NLK: variants seen among roughly 807,000 people sequenced by gnomAD.
The protein encoded by NLK is serine/threonine-protein kinase NLK.
In NLK, 11 loss-of-function variants were observed where a neutral mutation model predicts 59.0. The ratio of observed to expected loss-of-function variants is 0.19; its 90% CI spans 0.12 to 0.31. The LOEUF (loss-of-function observed/expected upper bound fraction) is 0.31, where lower values mean the gene tolerates loss of function less well. Ranked by LOEUF, NLK falls within the 10% of genes least tolerant of loss-of-function variation. The pLI, the probability that NLK is intolerant of heterozygous loss-of-function variation, is 1.00. For synonymous variants in NLK, 235 were observed against 235.9 expected, an observed-to-expected ratio of 1.00 and a Z score of 0.03; for missense variants, 410 against 661.1, an observed-to-expected ratio of 0.62 and a Z score of 4.16.
At chr17:28,142,781 C>G (rs1363952469) in intron 3 of NLK, among the ~76,000 whole-genome samples, 1 of 151,068 alleles carries the variant, frequency 6.6e-6, no homozygotes, top group Non-Finnish European at 1.5e-5. Flanking sequence ...GCTGTAGATT[C>G]TTTTTTCAGA....
intron 3 of NLK, among the ~76,000 whole-genome samples, chr17:28,153,150 T>C (rs1371166104): frequency 6.6e-6 from 1 of 151,794 alleles, no homozygotes; most frequent in Non-Finnish European, 1.5e-5. Flanking sequence ...AGCACATGCC[T>C]GTAATCCCAG....
At chr17:28,143,955 A>G (rs1907125463) in intron 3 of NLK, among the ~76,000 whole-genome samples, 1 of 152,206 alleles carries the variant, frequency 6.6e-6, no homozygotes, top group Non-Finnish European at 1.5e-5. Context: ...TTTATTTGTA[A>G]TACTTTGTAA....
Position 28,191,186 on chromosome 17 carries a change from G to A in NLK, c.1402G>A (p.Glu468Lys). 1.2e-6 allele frequency: 2 copies of A among 1,613,042 alleles called. No individual in the cohort carries two copies. Among genetic ancestry groups the A allele is most frequent in the Non-Finnish European group, 1.7e-6 (2 of 1,179,566 alleles). ...VTNPKFDDTF[E>K]KNLSSVRQVK... ...CAATCCCAAATTTGATGACACTTTC[G>A]AGAAGAACCTCAGTTCTGTCCGACA... Residue 468 changes from glutamate to lysine, a missense_variant, in exon 9 of 11, where the codon GAG becomes AAG. Physicochemically the swap from Glu to Lys is moderately conservative, Grantham distance 56 (BLOSUM62 1). Around this residue, in one of 5 missense-constraint regions of NLK, gnomAD observed 150 missense variants for 244.3 expected, o/e 0.61. Coordinates refer to ENST00000407008, the MANE Select transcript of NLK (RefSeq NM_016231.5).
rs1348310544 is a variant in NLK at position 28,172,494 on chromosome 17, A to G, written c.1048-23A>G. ...AGTTATTTCCATGAGATTACTATCT[A>G]TCTGTATTTTATTTCCTTGTAGTTG... On this transcript the variant is annotated intron_variant, in intron 6 of 10. Transcript: ENST00000407008. 2.7e-6 allele frequency: 4 copies of G among 1,487,878 alleles called. No homozygotes were observed. In the African/African-American group the frequency reaches 4.3e-5, roughly 16 times the overall value. The allele number at this position is 1,487,878 out of a possible 1,614,324, so 92.2% of individuals were successfully genotyped here. A position where few individuals can be genotyped will look rare whatever the true frequency, so the allele number is the denominator to read the frequency against.
intron 1 of NLK, among the ~76,000 whole-genome samples, chr17:28,085,998 T>C (rs1484926465): frequency 6.6e-6 from 1 of 152,092 alleles, no homozygotes; most frequent in African/African-American, 2.4e-5. Context: ...ATGACAAAAA[T>C]CACCTAATGA....
chr17:28,140,833 A>C (rs1308584767), intron 3 of NLK, among the ~76,000 whole-genome samples: 6 of 152,076 alleles, frequency 3.9e-5, no homozygotes, highest in Non-Finnish European at 8.8e-5. Context: ...CTTACCTGCA[A>C]CTTAATAATT....
At chr17:28,199,020 G>C (rs1597733123), downstream of NLK, among the ~76,000 whole-genome samples, 3 of 152,224 alleles carry the variant, frequency 2.0e-5, no homozygotes, top group Admixed American at 1.3e-4. Flanking sequence ...CATATAAAAT[G>C]AATGTAGACC....
chr17:28,187,114 T>C (rs1909146996), intron 8 of NLK, among the ~76,000 whole-genome samples: 1 of 152,230 alleles, frequency 6.6e-6, no homozygotes, highest in Non-Finnish European at 1.5e-5. Flanking sequence ...GTAATTTCTG[T>C]CTGACCATAG....
chr17:28,071,703 G>A (rs374896508), intron 1 of NLK, among the ~76,000 whole-genome samples: 4 of 152,142 alleles, frequency 2.6e-5, no homozygotes, highest in African/African-American at 9.7e-5. Context: ...ACTTGAGGGC[G>A]ATCCCTCTCA....
intron 1 of NLK, among the ~76,000 whole-genome samples, chr17:28,071,597 G>T (rs1462935885): frequency 1.3e-5 from 2 of 152,086 alleles, no homozygotes; most frequent in Non-Finnish European, 2.9e-5. Flanking sequence ...ATTGGAAATG[G>T]TATTTTTATT....
At chr17:28,179,872 G>GTTTTTTTTTTTTTTT (rs34411493) in intron 7 of NLK, among the ~76,000 whole-genome samples, 44 of 79,438 alleles carry the variant, frequency 5.5e-4, no homozygotes, top group Admixed American at 7.7e-4. Flanking sequence ...AGCATTCTTG[G>GTTTTTTTTTTTTTTT]TTTTTTTTTT....
chr17:28,171,056 A>G (rs1275449177), intron 6 of NLK, among the ~76,000 whole-genome samples: 1 of 152,186 alleles, frequency 6.6e-6, no homozygotes, highest in Non-Finnish European at 1.5e-5. Flanking sequence ...TCATGTATGG[A>G]TCTGACCCAT....
At chr17:28,138,738 A>G (rs1374607816) in intron 3 of NLK, among the ~76,000 whole-genome samples, 1 of 152,218 alleles carries the variant, frequency 6.6e-6, no homozygotes, top group East Asian at 1.9e-4. Flanking sequence ...CTTCCTATTC[A>G]TTTATTGCAT....
intron 1 of NLK, among the ~76,000 whole-genome samples, chr17:28,055,096 T>C (rs867223424): frequency 7.6e-6 from 1 of 131,662 alleles, no homozygotes; most frequent in South Asian, 2.2e-4. Flanking sequence ...TTTTTTTTTC[T>C]TTTTTTTTTT....
At position 28,145,707 on chromosome 17, in the gene NLK, G is replaced by A. The variant is rs1305812205; in HGVS notation, c.644+13032G>A. ...CCTTTTGAGATCACAGTGGCTTAAA[G>A]GAGCATTTTTTTTTTTTAAAGACAG... On this transcript the variant is annotated intron_variant, in intron 3 of 10. Coordinates refer to ENST00000407008, the MANE Select transcript of NLK (RefSeq NM_016231.5). 4.6e-5 allele frequency among the ~76,000 whole-genome samples: 7 copies of A among 151,798 alleles called. No individual in the cohort carries two copies. The East Asian group carries it at 1.2e-3, about 25-fold the overall frequency.
chr17:28,055,734 C>T (rs1909419562), intron 1 of NLK, among the ~76,000 whole-genome samples: 1 of 152,146 alleles, frequency 6.6e-6, no homozygotes, highest in Non-Finnish European at 1.5e-5. Context: ...ATTATTATTA[C>T]TGGTTTCAGT....
chr17:28,136,585 G>A (rs1297312441), intron 3 of NLK, among the ~76,000 whole-genome samples: 1 of 151,964 alleles, frequency 6.6e-6, no homozygotes, highest in Non-Finnish European at 1.5e-5. Flanking sequence ...GTCCTAAATG[G>A]GAAGTTTTCC....
At chr17:28,086,605 CCTTAA>C (rs1328946917) in intron 1 of NLK, among the ~76,000 whole-genome samples, 2 of 151,622 alleles carry the variant, frequency 1.3e-5, no homozygotes, top group Non-Finnish European at 1.5e-5. Flanking sequence ...TTGTTTTTTG[CCTTAA>C]CTTTATTTTT....
In NLK at chr17:28,084,237, A is replaced by G. The variant is rs535559550; in HGVS notation, c.459-38366A>G. Among the ~76,000 whole-genome samples the G allele has an allele frequency of 6.6e-5, 10 of 152,356 alleles. No individual in the cohort carries two copies. In the South Asian group the frequency reaches 2.1e-3, roughly 32 times the overall value. On this transcript the variant is annotated intron_variant, in intron 1 of 10. Coordinates refer to ENST00000407008, the MANE Select transcript of NLK (RefSeq NM_016231.5). Reference sequence around the variant, plus strand: ...GTGAAAGTAAAAGACCCTACGTTACATGGTTATTGTAAAGATTAAATGAGA... The same window carrying G: ...GTGAAAGTAAAAGACCCTACGTTACGTGGTTATTGTAAAGATTAAATGAGA...
Sources: allele counts gnomAD v4.1 joint callset (sites outside exome capture counted in the v4.1 genomes callset), GRCh38; gene constraint gnomAD v4.1.1; regional missense constraint gnomAD v4.1.1; transcripts MANE v1.5; gene names NCBI Gene and HGNC (gene_info 2026-07-23, HGNC 2026-07-21).